Variants in GABBR2 observed in about 807,000 individuals in gnomAD.
The protein encoded by GABBR2 is gamma-aminobutyric acid type B receptor subunit 2.
Under a neutral mutation model 105.6 loss-of-function variants are expected in GABBR2, and 23 were observed. The ratio of observed to expected loss-of-function variants is 0.22; its 90% CI spans 0.16 to 0.31. The LOEUF (loss-of-function observed/expected upper bound fraction) is 0.31, where lower values mean the gene tolerates loss of function less well. GABBR2 is among the 10% of genes least tolerant of loss of function. The probability of loss-of-function intolerance (pLI) is 1.00; values close to 1 mark genes in which losing one functional copy is unlikely to be tolerated. For missense variants in GABBR2, 734 were observed against 1,245.5 expected (o/e 0.59, Z 6.18); for synonymous variants, 478 against 499.7 (o/e 0.96, Z 0.58).
At chr9:98,322,147 G>C (rs1830833371) in intron 13 of GABBR2, among the ~76,000 whole-genome samples, 1 of 151,966 alleles carries the variant, frequency 6.6e-6, no homozygotes, top group African/African-American at 2.4e-5. Context: ...GGCCCTCTGG[G>C]CTGGCCCAGA....
At chr9:98,707,997 C>G (rs1254363672) in intron 1 of GABBR2, among the ~76,000 whole-genome samples, 1 of 152,226 alleles carries the variant, frequency 6.6e-6, no homozygotes, top group Non-Finnish European at 1.5e-5. Flanking sequence ...GCCCCTCCGG[C>G]CCTGGGTGGC....
At chr9:98,393,461 A>AC (rs1213907691) in intron 9 of GABBR2, among the ~76,000 whole-genome samples, 3 of 149,706 alleles carry the variant, frequency 2.0e-5, no homozygotes, top group Non-Finnish European at 4.5e-5. Context: ...CCACTCATCC[A>AC]CCCAACCATC....
intron 2 of GABBR2, among the ~76,000 whole-genome samples, chr9:98,561,288 T>G (rs1239596789): frequency 3.5e-5 from 3 of 84,936 alleles, no homozygotes; most frequent in South Asian, 4.5e-4. Context: ...TCAAGCTCAT[T>G]CCACTGAAAA....
At chr9:98,292,990 T>C (rs1830324955) in intron 18 of GABBR2, among the ~76,000 whole-genome samples, 1 of 152,230 alleles carries the variant, frequency 6.6e-6, no homozygotes, top group Non-Finnish European at 1.5e-5. Flanking sequence ...GGCCAGGCCT[T>C]GGAGCTAGTT....
intron 7 of GABBR2, among the ~76,000 whole-genome samples, chr9:98,427,527 A>C (rs1033766544): frequency 6.6e-6 from 1 of 152,182 alleles, no homozygotes. Flanking sequence ...ACCACACTCT[A>C]AGGTGGCCCC....
chr9:98,385,832 A>G, intron 10 of GABBR2, 60 bp from the exon 11 acceptor site: 1 of 1,401,130 alleles, frequency 7.1e-7, no homozygotes, highest in South Asian at 1.2e-5. Context: ...TTCCTTCAAC[A>G]GGTATTTTCT....
At chr9:98,499,271 T>C (rs1241716893) in intron 3 of GABBR2, among the ~76,000 whole-genome samples, 2 of 152,240 alleles carry the variant, frequency 1.3e-5, no homozygotes, top group Non-Finnish European at 2.9e-5. Context: ...TAAAATGTTT[T>C]ATAGGTGGTC....
chr9:98,663,733 C>T (rs903601920), intron 1 of GABBR2, among the ~76,000 whole-genome samples: 1 of 151,858 alleles, frequency 6.6e-6, no homozygotes, highest in African/African-American at 2.4e-5. Context: ...TGAAAGCCTC[C>T]GTCTGAAGGA....
At chr9:98,695,053 T>C (rs1830731459) in intron 1 of GABBR2, among the ~76,000 whole-genome samples, 1 of 152,262 alleles carries the variant, frequency 6.6e-6, no homozygotes, top group South Asian at 2.1e-4. Flanking sequence ...AATCCATTCC[T>C]CACAGATGCC....
chr9:98,674,689 G>A (rs900960836), intron 1 of GABBR2, among the ~76,000 whole-genome samples: 1 of 152,162 alleles, frequency 6.6e-6, no homozygotes, highest in African/African-American at 2.4e-5. Flanking sequence ...GAGGCTACAA[G>A]GTGGCGGCCC....
intron 7 of GABBR2, among the ~76,000 whole-genome samples, chr9:98,446,423 C>T (rs1351194175): frequency 6.6e-6 from 1 of 152,234 alleles, no homozygotes; most frequent in Non-Finnish European, 1.5e-5. Context: ...GGTCACACAG[C>T]TCTAAGAGAT....
chr9:98,505,350 G>A (rs531698287), intron 3 of GABBR2, among the ~76,000 whole-genome samples: 1 of 152,102 alleles, frequency 6.6e-6, no homozygotes, highest in Non-Finnish European at 1.5e-5. Flanking sequence ...AACTGAATAT[G>A]TATTAGATCT....
At chr9:98,702,979 C>G (rs1564155915) in intron 1 of GABBR2, among the ~76,000 whole-genome samples, 1 of 152,226 alleles carries the variant, frequency 6.6e-6, no homozygotes, top group Non-Finnish European at 1.5e-5. Flanking sequence ...ACCTCCCTCT[C>G]TCATCATGAA....
At chr9:98,538,123 C>T (rs116524188) in intron 3 of GABBR2, among the ~76,000 whole-genome samples, 1 of 152,226 alleles carries the variant, frequency 6.6e-6, no homozygotes, top group East Asian at 1.9e-4. Context: ...ACCTACTACA[C>T]AGAGATCTTT....
chr9:98,512,843 T>C (rs1426510624), intron 3 of GABBR2, among the ~76,000 whole-genome samples: 1 of 152,308 alleles, frequency 6.6e-6, no homozygotes, highest in Non-Finnish European at 1.5e-5. Flanking sequence ...AGGTAATTTA[T>C]AGATTCAATG....
intron 1 of GABBR2, among the ~76,000 whole-genome samples, chr9:98,586,353 G>A (rs1275971414): frequency 2.7e-5 from 4 of 148,182 alleles, no homozygotes; most frequent in Non-Finnish European, 5.9e-5. Context: ...AGGTTGGAGT[G>A]CAATGGCATG....
chr9:98,343,312 A>C (rs1588112712), intron 13 of GABBR2, among the ~76,000 whole-genome samples: 1 of 152,172 alleles, frequency 6.6e-6, no homozygotes, highest in Non-Finnish European at 1.5e-5. Flanking sequence ...AGGCAGCCTC[A>C]GGATCCTGCC....
chr9:98,454,713 T>C lies in GABBR2; in HGVS notation c.1000-496A>G, dbSNP rs570507421. Among the ~76,000 whole-genome samples the C allele has an allele frequency of 6.6e-6, 1 of 152,324 alleles. No homozygotes were observed. The highest frequency in any genetic ancestry group is 1.9e-4 in the East Asian group (1 of 5,184). On this transcript the variant is annotated intron_variant, in intron 6 of 18. Transcript: ENST00000259455. The surrounding 1 kb of genome is among the most constrained non-coding windows in gnomAD (Gnocchi z 4.6). ...GGAATTCAGAATTCTGGGACTTCTC[T>C]GAGTTTCAGCAGCACAGAGGGAGCT...
chr9:98,386,686 G>A (rs779838172), intron 10 of GABBR2, among the ~76,000 whole-genome samples: 12 of 152,184 alleles, frequency 7.9e-5, no homozygotes, highest in Non-Finnish European at 1.5e-4. Flanking sequence ...GGTTTTAGGC[G>A]CCCTGTGGTT....
Sources: allele counts gnomAD v4.1 joint callset (sites outside exome capture counted in the v4.1 genomes callset), GRCh38; gene constraint gnomAD v4.1.1; non-coding constraint Gnocchi (gnomAD v3.1); transcripts MANE v1.5; gene names NCBI Gene and HGNC (gene_info 2026-07-23, HGNC 2026-07-21).